TANC1: variants seen among roughly 807,000 people sequenced by gnomAD.
TANC1 encodes the protein tetratricopeptide repeat, ankyrin repeat and coiled-coil containing 1, also known as protein TANC1.
A neutral mutation model predicts 149.7 loss-of-function variants in TANC1; 77 were observed. That is an observed-to-expected ratio of 0.51 (90% CI 0.43 to 0.62). TANC1 has a LOEUF of 0.62. TANC1 is among the 20% of genes least tolerant of loss of function. TANC1 has a pLI of 0.00. For synonymous variants in TANC1, 854 were observed against 925.0 expected (o/e 0.92, Z 1.39); for missense variants, 1,985 against 2,321.8 (o/e 0.85, Z 2.98).
chr2:159,078,095 C>G (rs1308158261), intron 3 of TANC1, among the ~76,000 whole-genome samples: 1 of 152,150 alleles, frequency 6.6e-6, no homozygotes, highest in Non-Finnish European at 1.5e-5. Flanking sequence ...GGGTTTGTAT[C>G]CTGGCTCCAC....
At chr2:158,993,409 ACCTGG>A (rs2035858776) in intron 1 of TANC1, among the ~76,000 whole-genome samples, 1 of 152,088 alleles carries the variant, frequency 6.6e-6, no homozygotes, top group Non-Finnish European at 1.5e-5. Context: ...ATGCCAGCAC[ACCTGG>A]CTAATTTTTG....
At chr2:159,199,773 A>T (rs2058114294) in intron 19 of TANC1, among the ~76,000 whole-genome samples, 1 of 152,250 alleles carries the variant, frequency 6.6e-6, no homozygotes. Context: ...CTGTGTGTGT[A>T]CCTGGTATAT....
chr2:159,069,826 T>TG (rs1205038027), intron 3 of TANC1, among the ~76,000 whole-genome samples: 1 of 145,428 alleles, frequency 6.9e-6, no homozygotes, highest in Non-Finnish European at 1.5e-5. Context: ...TGGAGTGCAG[T>TG]GGCGTGATCT....
At chr2:159,051,370 A>G (rs985900243) in intron 2 of TANC1, among the ~76,000 whole-genome samples, 5 of 152,208 alleles carry the variant, frequency 3.3e-5, no homozygotes, top group Admixed American at 2.0e-4. Flanking sequence ...GCGTCACAAT[A>G]GTGACTTTTG....
intron 4 of TANC1, among the ~76,000 whole-genome samples, chr2:159,120,532 A>T (rs533236839): frequency 6.6e-6 from 1 of 152,340 alleles, no homozygotes; most frequent in South Asian, 2.1e-4. Flanking sequence ...ATGGTTAAAA[A>T]TTTTAAATAT....
intron 19 of TANC1, 95 bp downstream of exon 19, chr2:159,199,148 A>G (rs2058070555): frequency 3.6e-6 from 3 of 828,378 alleles, no homozygotes; most frequent in South Asian, 1.6e-5. Flanking sequence ...TGATATATGT[A>G]GTCCTGTTTC....
chr2:159,164,274 A>G (rs1459097039), intron 8 of TANC1, among the ~76,000 whole-genome samples: 2 of 152,236 alleles, frequency 1.3e-5, no homozygotes, highest in African/African-American at 4.8e-5. Flanking sequence ...AAAAATCGAT[A>G]AAAAATAATA....
intron 2 of TANC1, among the ~76,000 whole-genome samples, chr2:159,029,130 C>T (rs1213626041): frequency 1.3e-5 from 2 of 152,126 alleles, no homozygotes; most frequent in Non-Finnish European, 2.9e-5. Flanking sequence ...TTTTATTTCT[C>T]TTGTGTGATG....
chr2:159,173,566 C>T (rs1401937087), intron 11 of TANC1, among the ~76,000 whole-genome samples: 1 of 152,230 alleles, frequency 6.6e-6, no homozygotes, highest in African/African-American at 2.4e-5. Context: ...GATTGTGCAA[C>T]TGCACTCCAA....
intron 1 of TANC1, among the ~76,000 whole-genome samples, chr2:158,992,535 C>T (rs1013682734): frequency 5.9e-5 from 9 of 152,096 alleles, no homozygotes; most frequent in African/African-American, 2.2e-4. Context: ...CGGAGTCTTG[C>T]CCTGTCGCCC....
At chr2:159,094,386 C>T (rs10497204) in intron 3 of TANC1, among the ~76,000 whole-genome samples, 52,160 of 152,132 alleles carry the variant, frequency 0.34, 10,555 homozygotes, top group Non-Finnish European at 0.47. Flanking sequence ...TGATTCTTGC[C>T]TGTACACCCA....
At chr2:159,071,746 C>T (rs150674900) in intron 3 of TANC1, among the ~76,000 whole-genome samples, 3,591 of 152,244 alleles carry the variant, frequency 0.024, 82 homozygotes, top group Non-Finnish European at 0.032. Flanking sequence ...TGCCACTGCC[C>T]GTTTTCTGTG....
chr2:159,177,269 A>G (rs575084795), intron 13 of TANC1, among the ~76,000 whole-genome samples: 53 of 152,126 alleles, frequency 3.5e-4, no homozygotes, highest in African/African-American at 1.3e-3. Context: ...AAACTTAAGC[A>G]TGAGGTAACA....
Position 158,968,736 on chromosome 2 carries a change from C to CCTGG in TANC1, c.-171_-168dup, listed in dbSNP as rs1169272357. The CCTGG allele has an allele frequency of 6.6e-6, 1 of 152,166 alleles. No individual in the cohort carries two copies. Among genetic ancestry groups the CCTGG allele is most frequent in the Non-Finnish European group, 1.5e-5 (1 of 68,036 alleles). The allele number at this position is 152,166 out of a possible 1,614,324, so 9.4% of individuals were successfully genotyped here. A position where few individuals can be genotyped will look rare whatever the true frequency, so the allele number is the denominator to read the frequency against. ...AGCTGGCCTCGCCCCGAGGCCCGGC[C>CCTGG]CTGGGTGTGGGGAACCGCGCTGAGG... On this transcript the variant is annotated 5_prime_UTR_variant, in exon 1 of 27. Coordinates refer to ENST00000263635, the MANE Select transcript of TANC1 (RefSeq NM_033394.3).
rs142586873 is a variant in TANC1, at chr2:159,107,756, C to CT, written c.259+9924dup. 5.3e-3 allele frequency among the ~76,000 whole-genome samples: 811 copies of CT among 152,326 alleles called. 2 individuals carry two copies. Among genetic ancestry groups the CT allele is most frequent in the African/African-American group, 0.019 (788 of 41,558 alleles). On this transcript the variant is annotated intron_variant, in intron 4 of 26. Transcript: ENST00000263635. ...TTGACCGTGGGTATGGCTTGCATCT[C>CT]TTGCTTGGTCCAGCCTTTCTCTGTG... is the stretch of plus-strand genomic sequence containing the variant.
intron 3 of TANC1, among the ~76,000 whole-genome samples, chr2:159,069,431 G>A (rs1028183517): frequency 1.3e-5 from 2 of 152,088 alleles, no homozygotes; most frequent in African/African-American, 2.4e-5. Flanking sequence ...ATAAGCAAAC[G>A]AGGCACTGTG....
intron 2 of TANC1, among the ~76,000 whole-genome samples, chr2:159,055,794 T>A (rs1431084673): frequency 6.6e-6 from 1 of 152,192 alleles, no homozygotes; most frequent in African/African-American, 2.4e-5. Flanking sequence ...TGATCATTGA[T>A]CAGATCCTGC....
chr2:159,108,688 G>T (rs986041464), intron 4 of TANC1, among the ~76,000 whole-genome samples: 1 of 152,212 alleles, frequency 6.6e-6, no homozygotes, highest in Non-Finnish European at 1.5e-5. Flanking sequence ...AGGACTGCGC[G>T]TGCGTCTGCG....
chr2:159,142,787 G>A (rs961673408), intron 5 of TANC1, among the ~76,000 whole-genome samples: 1 of 151,288 alleles, frequency 6.6e-6, no homozygotes, highest in African/African-American at 2.4e-5. Flanking sequence ...AAAAAGGCCA[G>A]GCACGATGGC....
Sources: allele counts gnomAD v4.1 joint callset (sites outside exome capture counted in the v4.1 genomes callset), GRCh38; gene constraint gnomAD v4.1.1; transcripts MANE v1.5; gene names NCBI Gene and HGNC (gene_info 2026-07-23, HGNC 2026-07-21).